TRABD2B: variants seen among roughly 807,000 people sequenced by gnomAD.
TRABD2B encodes metalloprotease TIKI2.
A neutral mutation model predicts 40.1 loss-of-function variants in TRABD2B; 14 were observed. The observed-to-expected ratio is 0.35, with a 90% CI of 0.23 to 0.55. The LOEUF (loss-of-function observed/expected upper bound fraction) is 0.55. TRABD2B is among the 20% of genes least tolerant of loss of function. TRABD2B has a pLI of 0.90. For missense variants in TRABD2B, 541 were observed against 648.6 expected (o/e 0.83, Z 1.80); for synonymous variants, 263 against 277.0 (o/e 0.95, Z 0.50).
chr1:47,975,318 A>G (rs770422315), intron 2 of TRABD2B, among the ~76,000 whole-genome samples: 84 of 152,224 alleles, frequency 5.5e-4, no homozygotes, highest in Non-Finnish European at 1.1e-3. Context: ...TTTAAAAAAC[A>G]TTTGTTAGGT....
chr1:47,858,244 T>C (rs1422042611), intron 2 of TRABD2B, among the ~76,000 whole-genome samples: 2 of 88,630 alleles, frequency 2.3e-5, no homozygotes, highest in African/African-American at 7.6e-5. Context: ...TTTTATTTTA[T>C]TTTATTTTAT....
At chr1:47,929,506 T>C (rs1645011978) in intron 2 of TRABD2B, among the ~76,000 whole-genome samples, 1 of 152,200 alleles carries the variant, frequency 6.6e-6, no homozygotes, top group Non-Finnish European at 1.5e-5. Flanking sequence ...GGGCAGACAT[T>C]GCATCAGCAC....
intron 2 of TRABD2B, among the ~76,000 whole-genome samples, chr1:47,933,303 G>A (rs1241009045): frequency 6.6e-6 from 1 of 151,540 alleles, no homozygotes; most frequent in Non-Finnish European, 1.5e-5. Flanking sequence ...TAGTAGAGAC[G>A]GGGTTTCAAC....
chr1:47,828,234 G>C (rs905383353), intron 2 of TRABD2B, among the ~76,000 whole-genome samples: 1 of 152,118 alleles, frequency 6.6e-6, no homozygotes, highest in Admixed American at 6.5e-5. Flanking sequence ...CCACCCCCAT[G>C]GGCAGCACTG....
intron 2 of TRABD2B, among the ~76,000 whole-genome samples, chr1:47,846,634 A>G (rs1011306915): frequency 1.5e-4 from 23 of 152,186 alleles, no homozygotes; most frequent in Non-Finnish European, 1.6e-4. Context: ...CATCTGGTCA[A>G]TTCAGGGAAC....
At chr1:47,775,010 CTG>C (rs1270899406) in intron 6 of TRABD2B, among the ~76,000 whole-genome samples, 158 bp downstream of exon 6, 2 of 152,246 alleles carry the variant, frequency 1.3e-5, no homozygotes, top group Non-Finnish European at 2.9e-5. Context: ...GAGAATAAAA[CTG>C]AAAAATCAGA....
At chr1:47,925,758 T>C (rs1457671420) in intron 2 of TRABD2B, among the ~76,000 whole-genome samples, 1 of 152,258 alleles carries the variant, frequency 6.6e-6, no homozygotes, top group Non-Finnish European at 1.5e-5. Flanking sequence ...CTAAGCAGTT[T>C]ACAAGCATTA....
intron 6 of TRABD2B, among the ~76,000 whole-genome samples, chr1:47,769,986 C>T (rs1157909632): frequency 1.0e-5 from 1 of 97,274 alleles, no homozygotes; most frequent in African/African-American, 3.6e-5. Context: ...GTGTCTGAGA[C>T]ACTGTCAGCT....
intron 2 of TRABD2B, among the ~76,000 whole-genome samples, chr1:47,904,541 G>A (rs1644649926): frequency 6.6e-6 from 1 of 152,164 alleles, no homozygotes; most frequent in South Asian, 2.1e-4. Context: ...TGCTAAAGCA[G>A]GGATTCACAG....
rs1645360588 is a variant in TRABD2B, at chr1:47,839,195, C to T, written c.667-37576G>A. Reference sequence around the variant, plus strand: ...GTAAGCGTTACCCGAGAGGTCACAACCCCACCACAGAGTCTATTCTCAGAG... The same window carrying T: ...GTAAGCGTTACCCGAGAGGTCACAATCCCACCACAGAGTCTATTCTCAGAG... On this transcript the variant is annotated intron_variant, in intron 2 of 6. Coordinates refer to ENST00000606738, the MANE Select transcript of TRABD2B (RefSeq NM_001194986.2). Among the ~76,000 whole-genome samples, 3 of 152,126 alleles carry T rather than the reference C, an allele frequency of 2.0e-5. No individual in the cohort carries two copies. In the South Asian group the frequency reaches 6.2e-4, roughly 32 times the overall value.
At chr1:47,766,630 A>G (rs1378903409) in intron 6 of TRABD2B, among the ~76,000 whole-genome samples, 1 of 152,160 alleles carries the variant, frequency 6.6e-6, no homozygotes, top group Admixed American at 6.5e-5. Context: ...GATCCTCATA[A>G]CAAGCCTTCA....
At chr1:47,822,038 C>G (rs1436177004) in intron 2 of TRABD2B, among the ~76,000 whole-genome samples, 1 of 152,190 alleles carries the variant, frequency 6.6e-6, no homozygotes, top group Non-Finnish European at 1.5e-5. Context: ...TGCACACACT[C>G]TCAGTCATAT....
intron 2 of TRABD2B, among the ~76,000 whole-genome samples, chr1:47,858,131 G>T (rs7518787): frequency 0.32 from 48,483 of 151,686 alleles, 8,082 homozygotes; most frequent in Non-Finnish European, 0.37. Context: ...CATATACAGG[G>T]TTTGCTACTA....
chr1:47,824,983 A>C (rs1645156110), intron 2 of TRABD2B, among the ~76,000 whole-genome samples: 1 of 152,180 alleles, frequency 6.6e-6, no homozygotes, highest in African/African-American at 2.4e-5. Context: ...CATGGTCAGA[A>C]GTCCCTGCGA....
At chr1:47,804,395 C>A (rs952929044) in intron 2 of TRABD2B, among the ~76,000 whole-genome samples, 2 of 152,220 alleles carry the variant, frequency 1.3e-5, no homozygotes, top group Non-Finnish European at 2.9e-5. Context: ...GTGTCCATGT[C>A]GAGTTGATCC....
chr1:47,831,669 G>A (rs1645251765), intron 2 of TRABD2B, among the ~76,000 whole-genome samples: 1 of 152,182 alleles, frequency 6.6e-6, no homozygotes, highest in Non-Finnish European at 1.5e-5. Flanking sequence ...AGTCGAAGCC[G>A]TGGAGGATGG....
intron 2 of TRABD2B, among the ~76,000 whole-genome samples, chr1:47,933,897 G>A (rs1340542352): frequency 6.6e-6 from 1 of 152,204 alleles, no homozygotes; most frequent in Non-Finnish European, 1.5e-5. Context: ...CTCAACACAA[G>A]TTTGTGGTTA....
chr1:47,801,997 A>C (rs145455672), intron 2 of TRABD2B, among the ~76,000 whole-genome samples: 1 of 152,338 alleles, frequency 6.6e-6, no homozygotes, highest in Non-Finnish European at 1.5e-5. Context: ...TTTTGTAATC[A>C]AGAGCATCCT....
At chr1:47,775,470 T>G in intron 5 of TRABD2B, 31 bp from the exon 6 acceptor site, 1 of 1,234,078 alleles carries the variant, frequency 8.1e-7, no homozygotes, top group Admixed American at 4.2e-5. Context: ...ATGGGGCACA[T>G]GTGTTGGAGA....
Sources: gnomAD v4.1 joint callset for allele counts (sites outside exome capture counted in the v4.1 genomes callset) on GRCh38, gnomAD v4.1.1 for gene constraint, MANE v1.5 for transcripts, NCBI Gene and HGNC (gene_info 2026-07-23, HGNC 2026-07-21) for gene names.